Variants in FSTL4 observed in about 807,000 individuals in gnomAD.
The protein encoded by FSTL4 is follistatin like 4, also known as follistatin-related protein 4.
A neutral mutation model predicts 78.2 loss-of-function variants in FSTL4; 28 were observed. That is an observed-to-expected ratio of 0.36 (90% confidence interval 0.27 to 0.49). The LOEUF is 0.49. FSTL4 is among the 20% of genes least tolerant of loss of function. FSTL4 has a pLI of 0.98. For synonymous variants in FSTL4, 422 were observed against 440.5 expected (o/e 0.96, Z 0.53); for missense variants, 922 against 1,084.9 (o/e 0.85, Z 2.11).
the FSTL4 span, among the ~76,000 whole-genome samples, chr5:133,842,059 G>A: frequency 2.0e-5 from 3 of 152,122 alleles, no homozygotes; most frequent in Non-Finnish European, 4.4e-5. Flanking sequence ...CCTCTAAAAC[G>A]TTCAGAGGAC....
At chr5:133,741,243 G>T in the FSTL4 span, among the ~76,000 whole-genome samples, 1,773 of 152,278 alleles carry the variant, frequency 0.012, 38 homozygotes, top group African/African-American at 0.039. Flanking sequence ...GGATTTATGT[G>T]ATTTACTGAG....
intron 7 of FSTL4, among the ~76,000 whole-genome samples, chr5:133,235,372 G>A (rs192662707): frequency 1.3e-3 from 191 of 152,074 alleles, no homozygotes; most frequent in African/African-American, 4.2e-3. Flanking sequence ...GGAGGCGGGC[G>A]CCTGTAGTCC....
At chr5:133,465,703 G>A (rs1483418561) in intron 3 of FSTL4, among the ~76,000 whole-genome samples, 1 of 152,252 alleles carries the variant, frequency 6.6e-6, no homozygotes, top group Non-Finnish European at 1.5e-5. Context: ...ACTTTGGTGA[G>A]TGGCAGCACA....
chr5:133,335,289 A>G, intron 4 of FSTL4, among the ~76,000 whole-genome samples: 1 of 152,166 alleles, frequency 6.6e-6, no homozygotes, highest in East Asian at 1.9e-4. Flanking sequence ...AGCCTCTCAC[A>G]GGCCATGCCC....
chr5:133,402,307 G>A (rs780480085), intron 3 of FSTL4, among the ~76,000 whole-genome samples: 4 of 152,184 alleles, frequency 2.6e-5, no homozygotes, highest in South Asian at 4.1e-4. Flanking sequence ...AGTGAAAGGC[G>A]AAACAGGCGT....
At chr5:133,221,905 T>TTTTTTTTG (rs1751132388) in intron 11 of FSTL4, among the ~76,000 whole-genome samples, 1 of 64,646 alleles carries the variant, frequency 1.5e-5, no homozygotes, top group African/African-American at 7.5e-5. Context: ...TTTTTTTTTT[T>TTTTTTTTG]TTTTTTTTTT....
intron 4 of FSTL4, among the ~76,000 whole-genome samples, chr5:133,381,268 C>G (rs564533012): frequency 6.6e-6 from 1 of 152,266 alleles, no homozygotes; most frequent in Non-Finnish European, 1.5e-5. Flanking sequence ...TGGCTGTCAA[C>G]AGCAGAATGG....
chr5:133,406,787 C>A (rs1389149583), intron 3 of FSTL4, among the ~76,000 whole-genome samples: 2 of 152,250 alleles, frequency 1.3e-5, no homozygotes, highest in Non-Finnish European at 1.5e-5. Flanking sequence ...TTTAATCCTC[C>A]TTAAAGCTCT....
chr5:133,335,596 AC>A (rs1754446865), intron 4 of FSTL4, among the ~76,000 whole-genome samples: 1 of 149,064 alleles, frequency 6.7e-6, no homozygotes, highest in South Asian at 2.2e-4. Flanking sequence ...CCCCCTATCA[AC>A]CCCTAAACTG....
chr5:133,659,589 T>C, the FSTL4 span, among the ~76,000 whole-genome samples: 9 of 151,170 alleles, frequency 6.0e-5, no homozygotes, highest in Non-Finnish European at 1.2e-4. Context: ...ATTCCTATTA[T>C]AAATACATTG....
chr5:133,684,473 T>A, the FSTL4 span, among the ~76,000 whole-genome samples: 1 of 152,228 alleles, frequency 6.6e-6, no homozygotes, highest in African/African-American at 2.4e-5. Context: ...AGGCAGCTAC[T>A]GGCACTGACC....
At chr5:133,797,404 C>T in the FSTL4 span, among the ~76,000 whole-genome samples, 62 of 152,344 alleles carry the variant, frequency 4.1e-4, no homozygotes, top group African/African-American at 1.4e-3. Flanking sequence ...GACTGATGAC[C>T]TGCAGGGTTG....
chr5:133,357,515 A>G (rs930048467), intron 4 of FSTL4, among the ~76,000 whole-genome samples: 3 of 152,188 alleles, frequency 2.0e-5, no homozygotes, highest in African/African-American at 7.2e-5. Context: ...TGGCCTATCA[A>G]TGTCTGTTTA....
At chr5:133,762,757 T>C in the FSTL4 span, among the ~76,000 whole-genome samples, 4 of 152,120 alleles carry the variant, frequency 2.6e-5, no homozygotes, top group Admixed American at 2.0e-4. Context: ...GAGAGTGTCA[T>C]TTCCGAGACC....
intron 3 of FSTL4, among the ~76,000 whole-genome samples, chr5:133,543,060 CTG>C (rs955368881): frequency 1.4e-4 from 21 of 151,648 alleles, no homozygotes; most frequent in African/African-American, 5.1e-4. Context: ...AACTTTGGTC[CTG>C]TCTTATTTTT....
the FSTL4 span, among the ~76,000 whole-genome samples, chr5:133,792,194 A>G: frequency 1.5e-3 from 225 of 152,074 alleles, no homozygotes; most frequent in African/African-American, 5.3e-3. Context: ...GTGTCCTCCC[A>G]CTAAATGCAG....
At chr5:133,741,701 C>T in the FSTL4 span, among the ~76,000 whole-genome samples, 1 of 152,208 alleles carries the variant, frequency 6.6e-6, no homozygotes, top group Non-Finnish European at 1.5e-5. Flanking sequence ...CACAGTAAAA[C>T]TCATGTATCC....
intron 3 of FSTL4, among the ~76,000 whole-genome samples, chr5:133,444,942 C>G (rs1356587458): frequency 6.6e-6 from 1 of 152,208 alleles, no homozygotes; most frequent in African/African-American, 2.4e-5. Flanking sequence ...CCACTGTCTC[C>G]TACTGCCGCC....
chr5:133,458,814 G>A (rs1757540339), intron 3 of FSTL4, among the ~76,000 whole-genome samples: 1 of 152,224 alleles, frequency 6.6e-6, no homozygotes, highest in African/African-American at 2.4e-5. Flanking sequence ...TGTAAAACCT[G>A]CAACCTTTTA....
Sources: gnomAD v4.1 joint callset for allele counts (sites outside exome capture counted in the v4.1 genomes callset) on GRCh38, gnomAD v4.1.1 for gene constraint, MANE v1.5 for transcripts, NCBI Gene and HGNC (gene_info 2026-07-23, HGNC 2026-07-21) for gene names.